The following C12orf43 variants were observed in gnomAD, a reference collection of about 807,000 sequenced individuals.
C12orf43 encodes protein CUSTOS.
A neutral mutation model predicts 20.6 loss-of-function variants in C12orf43; 15 were observed. That is an observed-to-expected ratio of 0.73 (90% CI 0.49 to 1.12). The LOEUF is 1.12. C12orf43 is among the 50% of genes most tolerant of loss of function. The pLI, the probability that C12orf43 is intolerant of heterozygous loss-of-function variation, is 0.00. For missense variants in C12orf43, 334 were observed against 344.4 expected, an observed-to-expected ratio of 0.97 and a Z score of 0.24; for synonymous variants, 144 against 130.8, an observed-to-expected ratio of 1.10 and a Z score of -0.69.
At chr12:121,013,448 G>A (rs761906545) in intron 1 of C12orf43, among the ~76,000 whole-genome samples, 1 of 152,178 alleles carries the variant, frequency 6.6e-6, no homozygotes, top group East Asian at 1.9e-4. Context: ...ATGGGAATAC[G>A]ATTACCAACC....
chr12:121,006,719 T>C (rs918970609), intron 3 of C12orf43: 6 of 275,062 alleles, frequency 2.2e-5, no homozygotes, highest in African/African-American at 1.1e-4. Flanking sequence ...AGGCAGATCA[T>C]GAGGCCAGGA....
At chr12:121,015,404 G>C (rs1045950523) in intron 1 of C12orf43, among the ~76,000 whole-genome samples, 2 of 152,184 alleles carry the variant, frequency 1.3e-5, no homozygotes, top group Non-Finnish European at 2.9e-5. Context: ...ACCTTGCTTT[G>C]CCATAGCCTT....
Position 121,001,673 on chromosome 12 carries a change from C to T in C12orf43, c.*2480G>A. ...TCTGTCACCAATGTACCCACCGGGC[C>T]ACTCCTTCCTGCCCCAACTCCTTCC... On this transcript the variant is annotated 3_prime_UTR_variant, in exon 6 of 6. Transcript: ENST00000288757. 2.1e-6 allele frequency: 1 copy of T among 466,376 alleles called. No individual in the cohort carries two copies. The allele number at this position is 466,376 out of a possible 1,614,324, so 28.9% of individuals were successfully genotyped here. A position where few individuals can be genotyped will look rare whatever the true frequency, so the allele number is the denominator to read the frequency against.
In C12orf43 at chr12:121,004,544, G is replaced by A. The variant is rs541486150; in HGVS notation, c.453-55C>T. 138 of 1,484,124 alleles carry A rather than the reference G, an allele frequency of 9.3e-5. No individual in the cohort carries two copies. The highest frequency in any genetic ancestry group is 7.4e-4 in the Middle Eastern group (3 of 4,058). 91.9% of individuals were successfully genotyped at this position (1,484,124 alleles called of 1,614,324 possible). The stretch of plus-strand genomic sequence containing the variant: ...GCTGGAGTCAGGACACAGCCCCAGA[G>A]CTGCCTCTCGCTGTCCTCCCTTGGT... On this transcript the variant is annotated intron_variant, in intron 5 of 5. Coordinates refer to ENST00000288757, the MANE Select transcript of C12orf43 (RefSeq NM_022895.3). This position sits in a 1 kb window ranked among gnomAD's most constrained non-coding sequence, Gnocchi z 5.6.
At chr12:121,007,737 A>C (rs1411819740) in intron 3 of C12orf43, among the ~76,000 whole-genome samples, 1 of 152,210 alleles carries the variant, frequency 6.6e-6, no homozygotes, top group Non-Finnish European at 1.5e-5. Flanking sequence ...CAAGGCTCTC[A>C]GCAATGCCCT....
intron 1 of C12orf43, among the ~76,000 whole-genome samples, chr12:121,014,520 C>CT (rs1435653493): frequency 6.6e-6 from 1 of 151,150 alleles, no homozygotes; most frequent in East Asian, 1.9e-4. Context: ...ATCCCAGCTA[C>CT]TAGGGAGGCT....
Position 121,016,434 on chromosome 12 carries a change from C to A in C12orf43, c.41G>T (p.Ser14Ile), listed in dbSNP as rs137945188. ...CTCCTCCGCATCGCTACTGCTGTTA[C>A]TACTTTCCGAATCGCTCACTGTGCC... ...PSGTVSDSES[S>I]NSSSDAEELE... is the part of the protein sequence containing the mutation. The change falls in exon 1 of 6, where the codon AGT (serine) becomes ATT (isoleucine). Residue 14 changes from serine (S) to isoleucine (I), a missense_variant. Ser to Ile is a moderately radical substitution (Grantham distance 142). Transcript: ENST00000288757. 5 of 1,614,098 alleles carry A rather than the reference C, an allele frequency of 3.1e-6. No homozygotes were observed. The highest frequency in any genetic ancestry group is 1.7e-5 in the Admixed American group (1 of 60,034).
At chr12:121,013,337 A>G (rs929242244) in intron 1 of C12orf43, among the ~76,000 whole-genome samples, 8 of 152,368 alleles carry the variant, frequency 5.3e-5, no homozygotes, top group Admixed American at 5.2e-4. Context: ...ACAGTATTAC[A>G]GAGGGAGACA....
At chr12:121,008,378 A>C (rs184455008) in intron 3 of C12orf43, among the ~76,000 whole-genome samples, 1 of 152,078 alleles carries the variant, frequency 6.6e-6, no homozygotes, top group East Asian at 1.9e-4. Flanking sequence ...CAAATGATCC[A>C]CCCGCTTCAG....
At position 121,006,380 on chromosome 12, in the gene C12orf43, G is replaced by A. The variant is rs1878023600; in HGVS notation, c.302C>T (p.Ser101Leu). The change falls in exon 4 of 6, where the codon TCA becomes TTA. Residue 101 changes from serine (S) to leucine (L), a missense_variant. Transcript: ENST00000288757. ...TTTTGCTGGCTCCTTTGCTGCTTCT[G>A]AGATGGTAATGAAGCTACAGGGAGA... Reference protein sequence around the residue: ...GALLDSFITISEAAKEPAKAK... With the variant: ...GALLDSFITILEAAKEPAKAK... The A allele has an allele frequency of 1.2e-6, 2 of 1,613,974 alleles. No individual in the cohort carries two copies. The highest frequency in any genetic ancestry group is 1.7e-6 in the Non-Finnish European group (2 of 1,179,934).
rs1158932492 is a variant in C12orf43 at position 121,016,389 on chromosome 12, G to A, written c.86C>T (p.Ala29Val). The change falls in exon 1 of 6, where the codon GCG becomes GTG. Residue 29 changes from alanine (A) to valine (V), a missense_variant. By Grantham distance (64) the Ala-to-Val change is moderately conservative (BLOSUM62 0). Transcript: ENST00000288757. ...DAEELERCREAAMPAWGLEQR... is the reference protein window; with the variant it reads ...DAEELERCREVAMPAWGLEQR... ...CTCCAAGCCCCAAGCCGGCATTGCC[G>A]CCTCGCGGCACCGCTCCAGCTCCTC... 4 of 1,613,798 alleles carry A rather than the reference G, an allele frequency of 2.5e-6. No individual in the cohort carries two copies. Among genetic ancestry groups the A allele is most frequent in the African/African-American group, 2.7e-5 (2 of 74,950 alleles).
At position 121,001,056 on chromosome 12, in the gene C12orf43, C is replaced by T. The variant is rs2135854336; in HGVS notation, c.*3097G>A. ...GGTGGGTGGCTAGCAGCCTTGTTTG[C>T]CTCTGCAGTGTCCTCCAGCAGCCTG... On this transcript the variant is annotated 3_prime_UTR_variant, in exon 6 of 6. Coordinates refer to ENST00000288757, the MANE Select transcript of C12orf43 (RefSeq NM_022895.3). 1 of 1,612,844 alleles carries T rather than the reference C, an allele frequency of 6.2e-7. No individual in the cohort carries two copies. Among genetic ancestry groups the T allele is most frequent in the Non-Finnish European group, 8.5e-7 (1 of 1,179,774 alleles).
Position 121,005,143 on chromosome 12 carries a change from A to G in C12orf43, c.362-50T>C, listed in dbSNP as rs1473616692. On this transcript the variant is annotated intron_variant, in intron 4 of 5. Coordinates refer to ENST00000288757, the MANE Select transcript of C12orf43 (RefSeq NM_022895.3). The surrounding 1 kb of genome is among the most constrained non-coding windows in gnomAD (Gnocchi z 5.6). Reference sequence around the variant, plus strand: ...AACAAAAACAAAACAAAACAAAAAGAAACATAAAAAAATAAAAAATAAAGA... The same window carrying G: ...AACAAAAACAAAACAAAACAAAAAGGAACATAAAAAAATAAAAAATAAAGA... 3 of 943,010 alleles carry G rather than the reference A, an allele frequency of 3.2e-6. No homozygotes were observed. 58.4% of individuals were successfully genotyped at this position (943,010 alleles called of 1,614,324 possible). A position where few individuals can be genotyped will look rare whatever the true frequency, so the allele number is the denominator to read the frequency against.
intron 1 of C12orf43, chr12:121,012,588 C>T: frequency 3.1e-6 from 2 of 648,900 alleles, no homozygotes; most frequent in Admixed American, 2.1e-5. Context: ...CGCGGTGGCT[C>T]ACGCCTGTAA....
rs1331665131 is a variant in C12orf43 at position 121,002,316 on chromosome 12, G to C, written c.*1837C>G. 2 of 448,032 alleles carry C rather than the reference G, an allele frequency of 4.5e-6. No individual in the cohort carries two copies. The highest frequency in any genetic ancestry group is 8.5e-6 in the Non-Finnish European group (2 of 236,016). The allele number at this position is 448,032 out of a possible 1,614,324, so 27.8% of individuals were successfully genotyped here. Reference sequence around the variant, plus strand: ...GAGCACTGCCAGGAGGGACAAAGGAGCCTGTGAACCCAGGACAAGCATGGT... The same window carrying C: ...GAGCACTGCCAGGAGGGACAAAGGACCCTGTGAACCCAGGACAAGCATGGT... On this transcript the variant is annotated 3_prime_UTR_variant, in exon 6 of 6. Coordinates refer to ENST00000288757, the MANE Select transcript of C12orf43 (RefSeq NM_022895.3).
chr12:121,007,026 G>T (rs1442936451), intron 3 of C12orf43: 3 of 152,748 alleles, frequency 2.0e-5, no homozygotes, highest in Non-Finnish European at 4.4e-5. Context: ...ACCTAGAAGT[G>T]TAGTCAGGAA....
In C12orf43 at chr12:121,001,750, G is replaced by A. The variant is rs922951307; in HGVS notation, c.*2403C>T. ...CTGACCCCATCACCTACTCACACAG[G>A]CATTTCCTGGGTGGCTACTCTGTGC... On this transcript the variant is annotated 3_prime_UTR_variant, in exon 6 of 6. Transcript: ENST00000288757. 1.9e-5 allele frequency: 10 copies of A among 533,616 alleles called. No homozygotes were observed. The highest frequency in any genetic ancestry group is 3.3e-5 in the Non-Finnish European group (9 of 275,274). 33.1% of individuals were successfully genotyped at this position (533,616 alleles called of 1,614,324 possible). A position where few individuals can be genotyped will look rare whatever the true frequency, so the allele number is the denominator to read the frequency against.
At position 121,003,657 on chromosome 12, in the gene C12orf43, T is replaced by C. The variant is rs1407992027; in HGVS notation, c.*496A>G. 6.4e-6 allele frequency: 1 copy of C among 155,774 alleles called. No individual in the cohort carries two copies. Among genetic ancestry groups the C allele is most frequent in the African/African-American group, 2.4e-5 (1 of 41,488 alleles). The allele number at this position is 155,774 out of a possible 1,614,324, so 9.6% of individuals were successfully genotyped here. A position where few individuals can be genotyped will look rare whatever the true frequency, so the allele number is the denominator to read the frequency against. ...AGCTCTCCTTTCTCAGACGATTCTGTGAAGTCTATGTGGGCTAAGGAGAGA... is the reference window on the plus strand; with the variant it reads ...AGCTCTCCTTTCTCAGACGATTCTGCGAAGTCTATGTGGGCTAAGGAGAGA... On this transcript the variant is annotated 3_prime_UTR_variant, in exon 6 of 6. Coordinates refer to ENST00000288757, the MANE Select transcript of C12orf43 (RefSeq NM_022895.3).
Position 121,001,901 on chromosome 12 carries a change from TG to T in C12orf43, c.*2251del. 2.0e-6 allele frequency: 1 copy of T among 512,548 alleles called. No homozygotes were observed. The highest frequency in any genetic ancestry group is 3.8e-6 in the Non-Finnish European group (1 of 263,700). 31.8% of individuals were successfully genotyped at this position (512,548 alleles called of 1,614,324 possible). ...CAGGCCCCATGACCTCCAGCTTTCCTGTATTTGTTCCCAAGAGCATCATGCC... is the reference window on the plus strand; with the variant it reads ...CAGGCCCCATGACCTCCAGCTTTCCTTATTTGTTCCCAAGAGCATCATGCC... On this transcript the variant is annotated 3_prime_UTR_variant, in exon 6 of 6. Coordinates refer to ENST00000288757, the MANE Select transcript of C12orf43 (RefSeq NM_022895.3).
Sources: allele counts gnomAD v4.1 joint callset (sites outside exome capture counted in the v4.1 genomes callset), GRCh38; gene constraint gnomAD v4.1.1; non-coding constraint Gnocchi (gnomAD v3.1); transcripts MANE v1.5; gene names NCBI Gene and HGNC (gene_info 2026-07-23, HGNC 2026-07-21).